Variants in INPP4B observed in about 807,000 individuals in gnomAD.
The protein encoded by INPP4B is inositol polyphosphate-4-phosphatase type II B.
A neutral mutation model predicts 122.5 loss-of-function variants in INPP4B; 55 were observed. That is an observed-to-expected ratio of 0.45 (90% CI 0.36 to 0.56). INPP4B has a LOEUF of 0.56. INPP4B is among the 20% of genes least tolerant of loss of function. The pLI, the probability that INPP4B is intolerant of heterozygous loss-of-function variation, is 0.00. For missense variants in INPP4B, 1,000 were observed against 1,097.7 expected (o/e 0.91, Z 1.26); for synonymous variants, 403 against 388.7 (o/e 1.04, Z -0.43).
intron 20 of INPP4B, among the ~76,000 whole-genome samples, 171 bp from the exon 21 acceptor site, chr4:142,122,416 A>G (rs1474973966): frequency 6.6e-6 from 1 of 152,150 alleles, no homozygotes; most frequent in African/African-American, 2.4e-5. Context: ...TCTTAGTGAA[A>G]TGAGAACCAT....
At chr4:142,593,254 T>G (rs1353126412) in intron 2 of INPP4B, among the ~76,000 whole-genome samples, 1 of 152,040 alleles carries the variant, frequency 6.6e-6, no homozygotes, top group African/African-American at 2.4e-5. Context: ...TCACAGATGA[T>G]GAGGTAAAAT....
At chr4:142,398,391 AAAAAAAAAAAATATATATATATATATAT>A (rs1319682590) in intron 7 of INPP4B, among the ~76,000 whole-genome samples, 2,202 of 31,328 alleles carry the variant, frequency 0.07, 149 homozygotes, top group South Asian at 0.14. Flanking sequence ...AAAAAAAAAA[AAAAAAAAAAAATATATATATATATATAT>A]ATATATATAT....
At chr4:142,650,761 C>T (rs1193735007) in intron 2 of INPP4B, among the ~76,000 whole-genome samples, 1 of 152,154 alleles carries the variant, frequency 6.6e-6, no homozygotes, top group East Asian at 1.9e-4. Flanking sequence ...GACACCCACA[C>T]AAGAATAATG....
intron 25 of INPP4B, among the ~76,000 whole-genome samples, chr4:142,048,862 T>C (rs1246350915): frequency 2.6e-5 from 4 of 152,026 alleles, no homozygotes; most frequent in African/African-American, 9.7e-5. Context: ...GCAAAGAATA[T>C]TGAAATAATC....
At chr4:142,299,176 G>T (rs77396854) in intron 9 of INPP4B, among the ~76,000 whole-genome samples, 2 of 130,488 alleles carry the variant, frequency 1.5e-5, no homozygotes, top group Non-Finnish European at 3.2e-5. Flanking sequence ...TTTTGGGGGG[G>T]AGACAGAGTC....
chr4:142,507,486 T>C (rs2149846834), intron 2 of INPP4B, among the ~76,000 whole-genome samples: 1 of 152,064 alleles, frequency 6.6e-6, no homozygotes, highest in African/African-American at 2.4e-5. Flanking sequence ...ATTCAGGAAA[T>C]TTGAGACCTA....
chr4:142,149,660 G>A (rs1812735944), intron 17 of INPP4B, among the ~76,000 whole-genome samples: 1 of 152,178 alleles, frequency 6.6e-6, no homozygotes, highest in African/African-American at 2.4e-5. Context: ...TTAAATATGA[G>A]TCCAATGGTG....
chr4:142,233,003 T>C (rs1308521169), intron 12 of INPP4B, among the ~76,000 whole-genome samples: 1 of 152,082 alleles, frequency 6.6e-6, no homozygotes, highest in Non-Finnish European at 1.5e-5. Flanking sequence ...CAGACATTGG[T>C]TCATGAAGTT....
At chr4:142,392,571 T>C (rs1798073404) in intron 7 of INPP4B, among the ~76,000 whole-genome samples, 1 of 152,210 alleles carries the variant, frequency 6.6e-6, no homozygotes, top group Non-Finnish European at 1.5e-5. Context: ...AAAAAGAACA[T>C]TGCCAGGAGG....
chr4:142,133,972 CCT>C (rs1006950523), intron 18 of INPP4B, among the ~76,000 whole-genome samples: 2 of 152,118 alleles, frequency 1.3e-5, no homozygotes, highest in Non-Finnish European at 2.9e-5. Flanking sequence ...TTTTCTACAG[CCT>C]CTGTCACCAT....
chr4:142,167,685 A>C (rs549302740), intron 16 of INPP4B, among the ~76,000 whole-genome samples: 107 of 151,858 alleles, frequency 7.0e-4, no homozygotes, highest in African/African-American at 2.4e-3. Context: ...CCTTTGCTAC[A>C]CTAGTATGTT....
Position 142,193,124 on chromosome 4 carries a change from G to A in INPP4B, c.1144C>T (p.Arg382Trp), listed in dbSNP as rs76891221. The A allele has an allele frequency of 6.8e-6, 11 of 1,612,474 alleles. No individual in the cohort carries two copies. Among genetic ancestry groups the A allele is most frequent in the Admixed American group, 3.3e-5 (2 of 59,990 alleles). Reference sequence around the variant, plus strand: ...GTTTCAAATCTATGGAGTAGCTTCCGAAGACCACCATTCTTAAATCCCTGA... The same window carrying A: ...GTTTCAAATCTATGGAGTAGCTTCCAAAGACCACCATTCTTAAATCCCTGA... ...HFQGFKNGGL[R>W]KLLHRFETER... The change falls in exon 15 of 26, where the codon CGG becomes TGG. Residue 382 changes from arginine to tryptophan, a missense_variant. Transcript: ENST00000262992.
At chr4:142,071,929 T>G (rs1215483196) in intron 25 of INPP4B, among the ~76,000 whole-genome samples, 1 of 152,112 alleles carries the variant, frequency 6.6e-6, no homozygotes, top group African/African-American at 2.4e-5. Context: ...GACAGTGTGG[T>G]GATTCCTCAA....
At chr4:142,434,923 G>A (rs1309926465) in intron 3 of INPP4B, among the ~76,000 whole-genome samples, 10 of 152,114 alleles carry the variant, frequency 6.6e-5, no homozygotes, top group African/African-American at 2.2e-4. Flanking sequence ...AAGGCATAAT[G>A]TTTTAAGAAA....
chr4:142,404,898 C>CT (rs929988917), intron 6 of INPP4B, among the ~76,000 whole-genome samples: 22 of 150,944 alleles, frequency 1.5e-4, no homozygotes, highest in African/African-American at 4.6e-4. Context: ...AAAGTGGGAA[C>CT]TTTTTTTTCT....
At chr4:142,047,915 G>C (rs1752441374) in intron 25 of INPP4B, among the ~76,000 whole-genome samples, 1 of 151,990 alleles carries the variant, frequency 6.6e-6, no homozygotes, top group Non-Finnish European at 1.5e-5. Flanking sequence ...CAACTTATAA[G>C]CCACTAAGAA....
At chr4:142,291,126 C>T (rs532042881) in intron 9 of INPP4B, among the ~76,000 whole-genome samples, 1 of 152,176 alleles carries the variant, frequency 6.6e-6, no homozygotes, top group South Asian at 2.1e-4. Context: ...GGCTATCTTC[C>T]AGGAACATAG....
intron 7 of INPP4B, among the ~76,000 whole-genome samples, chr4:142,361,723 C>T (rs973310833): frequency 4.0e-5 from 6 of 151,312 alleles, no homozygotes; most frequent in Admixed American, 4.0e-4. Flanking sequence ...GTGTCTGATC[C>T]CTCTGCAAGG....
chr4:142,395,120 A>C (rs995734448), intron 7 of INPP4B, among the ~76,000 whole-genome samples: 1 of 152,242 alleles, frequency 6.6e-6, no homozygotes, highest in East Asian at 1.9e-4. Flanking sequence ...GAGATGATAG[A>C]GAACAACTAC....
Sources: gnomAD v4.1 joint callset for allele counts (sites outside exome capture counted in the v4.1 genomes callset) on GRCh38, gnomAD v4.1.1 for gene constraint, MANE v1.5 for transcripts, NCBI Gene and HGNC (gene_info 2026-07-23, HGNC 2026-07-21) for gene names.